The following TAX1BP1 variants were observed in gnomAD, a reference collection of about 807,000 sequenced individuals.
TAX1BP1 encodes the protein Tax1 binding protein 1.
In TAX1BP1, 62 loss-of-function variants were observed where a neutral mutation model predicts 97.7. The ratio of observed to expected loss-of-function variants is 0.63; its 90% confidence interval spans 0.52 to 0.78. The LOEUF (loss-of-function observed/expected upper bound fraction) is 0.78, where lower values mean the gene tolerates loss of function less well. Among genes scored for constraint, TAX1BP1 ranks in the 30% least tolerant of loss-of-function variants. The pLI, the probability that TAX1BP1 is intolerant of heterozygous loss-of-function variation, is 0.00. For synonymous variants in TAX1BP1, 340 were observed against 304.2 expected, an observed-to-expected ratio of 1.12 and a Z score of -1.23; for missense variants, 867 against 916.1, an observed-to-expected ratio of 0.95 and a Z score of 0.69.
chr7:27,809,839 T>A (rs1790483256), intron 13 of TAX1BP1, among the ~76,000 whole-genome samples: 1 of 152,160 alleles, frequency 6.6e-6, no homozygotes, highest in South Asian at 2.1e-4. Flanking sequence ...TACAGAAGAA[T>A]TTAAACTCTA....
At chr7:27,739,626 T>C (rs141551414), upstream of TAX1BP1, 1 of 152,126 alleles carries the variant, frequency 6.6e-6, no homozygotes, top group Admixed American at 6.5e-5. Context: ...GCATTAGAAC[T>C]GAAAAGCTCC....
In TAX1BP1 at chr7:27,792,676, A is replaced by T. The variant is rs533504047; in HGVS notation, c.1264-390A>T. Among the ~76,000 whole-genome samples the T allele has an allele frequency of 7.2e-5, 11 of 152,252 alleles. No individual in the cohort carries two copies. In the South Asian group the frequency reaches 2.3e-3, roughly 32 times the overall value. ...CTGTAGCCAAAATCCCAAAATAAAA[A>T]AGTGGCCGGGGACAGTTGCTCACAC... is the stretch of plus-strand genomic sequence containing the variant. On this transcript the variant is annotated intron_variant, in intron 9 of 16. Transcript: ENST00000396319.
chr7:27,790,023 G>A (rs570502842), intron 8 of TAX1BP1, among the ~76,000 whole-genome samples: 1 of 151,850 alleles, frequency 6.6e-6, no homozygotes, highest in African/African-American at 2.4e-5. Flanking sequence ...GTAGTTTGAG[G>A]TGATGGTTAT....
chr7:27,771,097 A>ATATTT (rs1788828412), intron 5 of TAX1BP1, among the ~76,000 whole-genome samples: 2 of 40,570 alleles, frequency 4.9e-5, no homozygotes, highest in Admixed American at 8.9e-4. Context: ...ACATTCAGCA[A>ATATTT]TTTTTTTTTT....
intron 15 of TAX1BP1, among the ~76,000 whole-genome samples, chr7:27,819,429 T>C (rs1338952621): frequency 6.6e-6 from 1 of 152,176 alleles, no homozygotes; most frequent in Non-Finnish European, 1.5e-5. Context: ...TGTTTCTCAT[T>C]GATTTTCACA....
chr7:27,781,573 C>G (rs903802210), intron 5 of TAX1BP1, among the ~76,000 whole-genome samples: 1 of 152,086 alleles, frequency 6.6e-6, no homozygotes, highest in Non-Finnish European at 1.5e-5. Context: ...GCATTTACCA[C>G]AAATGGAGCT....
chr7:27,796,809 C>T (rs1583718334), intron 12 of TAX1BP1, among the ~76,000 whole-genome samples: 3 of 151,290 alleles, frequency 2.0e-5, no homozygotes, highest in Non-Finnish European at 2.9e-5. Context: ...TGCAGTGAGC[C>T]GAGTTTGCAC....
chr7:27,741,008 C>T (rs1248463812), intron 1 of TAX1BP1, among the ~76,000 whole-genome samples: 5 of 152,218 alleles, frequency 3.3e-5, no homozygotes, highest in Non-Finnish European at 5.9e-5. Context: ...AAAAATTGAG[C>T]TTAGCGTGCG....
chr7:27,806,691 CT>C (rs1790355010), intron 13 of TAX1BP1, among the ~76,000 whole-genome samples: 1 of 151,886 alleles, frequency 6.6e-6, no homozygotes, highest in Non-Finnish European at 1.5e-5. Context: ...TGGGTTAGTC[CT>C]TTCTCATAAC....
intron 12 of TAX1BP1, among the ~76,000 whole-genome samples, chr7:27,799,074 T>A (rs142742522): frequency 6.6e-4 from 101 of 152,328 alleles, no homozygotes; most frequent in African/African-American, 2.3e-3. Context: ...CTAAGGAATG[T>A]TTGCCTAATC....
At chr7:27,761,775 C>T (rs1174504834) in intron 3 of TAX1BP1, among the ~76,000 whole-genome samples, 1 of 152,172 alleles carries the variant, frequency 6.6e-6, no homozygotes, top group Non-Finnish European at 1.5e-5. Flanking sequence ...ACAAATAATG[C>T]TGCAATAAAC....
chr7:27,815,371 C>T (rs998050910), intron 13 of TAX1BP1, among the ~76,000 whole-genome samples: 6 of 152,072 alleles, frequency 3.9e-5, no homozygotes, highest in Non-Finnish European at 7.4e-5. Flanking sequence ...AATATTTCTT[C>T]TGCATCAATT....
chr7:27,782,918 C>T (rs895370617), intron 5 of TAX1BP1, among the ~76,000 whole-genome samples: 1 of 152,022 alleles, frequency 6.6e-6, no homozygotes, highest in Non-Finnish European at 1.5e-5. Flanking sequence ...TAAATGTGCT[C>T]TGTTATTTTA....
At chr7:27,741,928 G>A (rs1787625823) in intron 1 of TAX1BP1, among the ~76,000 whole-genome samples, 1 of 152,166 alleles carries the variant, frequency 6.6e-6, no homozygotes, top group Admixed American at 6.5e-5. Flanking sequence ...AAAGGTCTTT[G>A]CATCATAGAC....
chr7:27,747,144 A>T (rs548548803), intron 1 of TAX1BP1, among the ~76,000 whole-genome samples: 161 of 152,278 alleles, frequency 1.1e-3, no homozygotes, highest in African/African-American at 3.7e-3. Flanking sequence ...TATTACAGAG[A>T]TGCCTGTTTT....
chr7:27,742,229 G>A (rs1164164955), intron 1 of TAX1BP1, among the ~76,000 whole-genome samples: 1 of 152,160 alleles, frequency 6.6e-6, no homozygotes, highest in Non-Finnish European at 1.5e-5. Flanking sequence ...GGATGGTCAG[G>A]TCTTTCCCTT....
At chr7:27,780,506 C>T (rs1396410671) in intron 5 of TAX1BP1, among the ~76,000 whole-genome samples, 2 of 152,312 alleles carry the variant, frequency 1.3e-5, no homozygotes, top group East Asian at 1.9e-4. Flanking sequence ...ACATTTCCTA[C>T]ACAGTAGCTC....
chr7:27,814,615 T>G (rs1790692330), intron 13 of TAX1BP1, among the ~76,000 whole-genome samples: 1 of 152,248 alleles, frequency 6.6e-6, no homozygotes, highest in Non-Finnish European at 1.5e-5. Context: ...CTATTGATTT[T>G]ACTCTAAGTA....
In TAX1BP1 at chr7:27,748,685, A is replaced by G. The variant is rs1167126944; in HGVS notation, c.161A>G (p.Lys54Arg). Residue 54 changes from lysine to arginine, a missense_variant and splice_region_variant, in exon 2 of 17, where the codon AAG becomes AGG. Physicochemically the swap from Lys to Arg is conservative, Grantham distance 26. Transcript: ENST00000396319. ...CCAAAAGATTGGGTTGGTATATTCA[A>G]GGTAAGAAAGCTTTCTGAATATGTT... ...PHPKDWVGIF[K>R]VGWSTARDYY... 3 of 1,524,510 alleles carry G rather than the reference A, an allele frequency of 2.0e-6. No homozygotes were observed. In the Admixed American group the frequency reaches 5.7e-5, roughly 29 times the overall value. The allele number at this position is 1,524,510 out of a possible 1,614,324, so 94.4% of individuals were successfully genotyped here.
Sources: gnomAD v4.1 joint callset for allele counts (sites outside exome capture counted in the v4.1 genomes callset) on GRCh38, gnomAD v4.1.1 for gene constraint, MANE v1.5 for transcripts, NCBI Gene and HGNC (gene_info 2026-07-23, HGNC 2026-07-21) for gene names.